The following FRY variants were observed in gnomAD, a reference collection of about 807,000 sequenced individuals.
FRY encodes the protein protein furry homolog.
Under a neutral mutation model 348.4 loss-of-function variants are expected in FRY, and 128 were observed. The observed-to-expected ratio is 0.37, with a 90% CI of 0.32 to 0.43. The LOEUF (loss-of-function observed/expected upper bound fraction) is 0.43. FRY is among the 20% of genes least tolerant of loss of function. The probability of loss-of-function intolerance (pLI) is 1.00; values close to 1 mark genes in which losing one functional copy is unlikely to be tolerated. For missense variants in FRY, 2,736 were observed against 3,695.2 expected, an observed-to-expected ratio of 0.74 and a Z score of 6.73; for synonymous variants, 1,370 against 1,374.7, an observed-to-expected ratio of 1.00 and a Z score of 0.08.
At chr13:32,292,841 A>G (rs1308333181) in intron 59 of FRY, among the ~76,000 whole-genome samples, 1 of 151,902 alleles carries the variant, frequency 6.6e-6, no homozygotes, top group African/African-American at 2.4e-5. Context: ...AAACTTCATT[A>G]TTGTCTTATT....
intron 1 of FRY, among the ~76,000 whole-genome samples, chr13:32,068,894 A>T (rs1874426209): frequency 6.9e-6 from 1 of 143,920 alleles, no homozygotes; most frequent in Non-Finnish European, 1.5e-5. Context: ...ATTTTTATGG[A>T]TCCTCCATGT....
intron 55 of FRY, among the ~76,000 whole-genome samples, chr13:32,273,556 A>T (rs146773345): frequency 1.3e-5 from 2 of 152,294 alleles, no homozygotes; most frequent in Non-Finnish European, 2.9e-5. Context: ...TCATCCGGTG[A>T]TGAGGATTAA....
At chr13:32,279,654 C>T (rs952224094) in intron 58 of FRY, among the ~76,000 whole-genome samples, 1 of 152,202 alleles carries the variant, frequency 6.6e-6, no homozygotes, top group East Asian at 1.9e-4. Flanking sequence ...TATGTCATTA[C>T]TACTGGAAAA....
At chr13:32,142,987 A>C (rs1031371948) in intron 11 of FRY, among the ~76,000 whole-genome samples, 4 of 152,144 alleles carry the variant, frequency 2.6e-5, no homozygotes, top group Non-Finnish European at 5.9e-5. Context: ...GTAAGAGGAG[A>C]TGTAACCTAA....
At chr13:32,095,051 G>A (rs1876596257) in intron 2 of FRY, among the ~76,000 whole-genome samples, 1 of 152,016 alleles carries the variant, frequency 6.6e-6, no homozygotes, top group Admixed American at 6.5e-5. Flanking sequence ...TTTTAACTGG[G>A]GTGTGATGGT....
intron 53 of FRY, 128 bp downstream of exon 53, chr13:32,262,603 T>C: frequency 1.3e-6 from 1 of 754,084 alleles, no homozygotes; most frequent in Non-Finnish European, 2.2e-6. Flanking sequence ...TCTTTCTCTC[T>C]TTTTTAAAAT....
intron 58 of FRY, among the ~76,000 whole-genome samples, chr13:32,281,988 A>C (rs1364794334): frequency 6.6e-6 from 1 of 152,176 alleles, no homozygotes; most frequent in Admixed American, 6.5e-5. Flanking sequence ...CTCGGTTCCC[A>C]TCATAGGTTA....
chr13:32,239,390 C>CCACA lies in FRY; in HGVS notation c.6516+42_6516+43insACAC. 10 of 1,193,562 alleles carry CCACA rather than the reference C, an allele frequency of 8.4e-6. No homozygotes were observed. Among genetic ancestry groups the CCACA allele is most frequent in the Non-Finnish European group, 1.3e-5 (10 of 795,656 alleles). The allele number at this position is 1,193,562 out of a possible 1,614,324, so 73.9% of individuals were successfully genotyped here. ...CCACACTCAGGCAGATCCATAGAGG[C>CCACA]CTTCAGGACGCCCTAGTGTCAGGCA... On this transcript the variant is annotated intron_variant, in intron 45 of 60. Coordinates refer to ENST00000542859, the MANE Select transcript of FRY (RefSeq NM_023037.3). The surrounding 1 kb of genome is among the most constrained non-coding windows in gnomAD (Gnocchi z 4.3).
At chr13:32,206,315 A>C (rs1884347254) in intron 31 of FRY, among the ~76,000 whole-genome samples, 1 of 152,338 alleles carries the variant, frequency 6.6e-6, no homozygotes, top group Admixed American at 6.5e-5. Context: ...TCATGGAAAC[A>C]TAAAGGAAAA....
Position 32,161,175 on chromosome 13 carries a change from A to C in FRY, c.1816A>C (p.Arg606=), listed in dbSNP as rs1399556839. ...GAGAAAGCCAAAAATAGATCTTTTC[A>C]GGACCTGTGTTGCTGCTATTCCTCG... ...GERKPKIDLF[R]TCVAAIPRLL... is the part of the protein sequence containing the mutation. Residue 606 remains arginine (R), a synonymous_variant, in exon 17 of 61, where the codon AGG becomes CGG. Transcript: ENST00000542859. 2 of 1,613,140 alleles carry C rather than the reference A, an allele frequency of 1.2e-6. No homozygotes were observed.
chr13:32,200,848 T>G (rs1208337587), intron 29 of FRY, among the ~76,000 whole-genome samples: 1 of 152,208 alleles, frequency 6.6e-6, no homozygotes, highest in Non-Finnish European at 1.5e-5. Context: ...ATCTCCTTAG[T>G]GTTCCTCAGA....
chr13:32,254,291 A>G lies in FRY; in HGVS notation c.7313A>G (p.Asp2438Gly), dbSNP rs1251207581. 1 of 1,614,004 alleles carries G rather than the reference A, an allele frequency of 6.2e-7. No individual in the cohort carries two copies. The highest frequency in any genetic ancestry group is 8.5e-7 in the Non-Finnish European group (1 of 1,179,996). Reference sequence around the variant, plus strand: ...CAGACAAGCTTGGTATCTTCTGAGGACGGTGCCCGAGAGCAGGAGAACATG... The same window carrying G: ...CAGACAAGCTTGGTATCTTCTGAGGGCGGTGCCCGAGAGCAGGAGAACATG... The part of the protein sequence containing the change: ...EHQTSLVSSE[D>G]GAREQENMDD... The change falls in exon 51 of 61, where the codon GAC (aspartate) becomes GGC (glycine). Residue 2438 changes from aspartate (D) to glycine (G), a missense_variant. Physicochemically the swap from Asp to Gly is moderately conservative, Grantham distance 94 (BLOSUM62 -1). This residue lies in a region of FRY where 789 missense variants were observed against 996.2 expected (regional missense o/e 0.79). Coordinates refer to ENST00000542859, the MANE Select transcript of FRY (RefSeq NM_023037.3).
chr13:32,161,695 T>TC (rs34889981), intron 17 of FRY, among the ~76,000 whole-genome samples: 45,697 of 151,566 alleles, frequency 0.3, 7,104 homozygotes, highest in East Asian at 0.55. Context: ...CAAAAAAGAG[T>TC]TCATTCGGAG....
intron 17 of FRY, among the ~76,000 whole-genome samples, chr13:32,161,563 T>C (rs1881445010): frequency 6.6e-6 from 1 of 152,078 alleles, no homozygotes; most frequent in South Asian, 2.1e-4. Flanking sequence ...AGGCAACAAA[T>C]AACTCCTGAG....
Position 32,298,050 on chromosome 13 carries a change from A to T in FRY, c.*2590A>T, listed in dbSNP as rs376905693. ...ACATTTTTAGAGGCACGTGAATGTC[A>T]TTCCCACCTCTAACCCATCTAACAT... On this transcript the variant is annotated 3_prime_UTR_variant, in exon 61 of 61. Coordinates refer to ENST00000542859, the MANE Select transcript of FRY (RefSeq NM_023037.3). 1.9e-4 allele frequency: 29 copies of T among 152,346 alleles called. No individual in the cohort carries two copies. The highest frequency in any genetic ancestry group is 6.5e-4 in the African/African-American group (27 of 41,582). The allele number at this position is 152,346 out of a possible 1,614,324, so 9.4% of individuals were successfully genotyped here.
chr13:32,173,616 C>A, intron 19 of FRY, 67 bp downstream of exon 19: 1 of 1,169,514 alleles, frequency 8.6e-7, no homozygotes, highest in Non-Finnish European at 1.3e-6. Context: ...AGATTAAAAA[C>A]TACAAATGAT....
intron 13 of FRY, among the ~76,000 whole-genome samples, chr13:32,148,789 A>ATCAGTTGTATATC (rs1880616992): frequency 6.6e-6 from 1 of 152,194 alleles, no homozygotes; most frequent in Admixed American, 6.5e-5. Context: ...TACTGATATA[A>ATCAGTTGTATATC]AGTGTAAGGT....
intron 1 of FRY, among the ~76,000 whole-genome samples, chr13:32,071,414 G>A (rs569897297): frequency 8.5e-5 from 13 of 152,244 alleles, no homozygotes; most frequent in South Asian, 4.2e-4. Flanking sequence ...AGTTCTCCTT[G>A]AAGAGGTCCT....
Position 32,237,520 on chromosome 13 carries a change from GC to G in FRY, c.5955del (p.Lys1986ArgfsTer39). 2 of 1,614,134 alleles carry G rather than the reference GC, an allele frequency of 1.2e-6. No homozygotes were observed. Among genetic ancestry groups the G allele is most frequent in the Non-Finnish European group, 1.7e-6 (2 of 1,180,022 alleles). On this transcript the variant is annotated frameshift_variant, in exon 44 of 61. Coordinates refer to ENST00000542859, the MANE Select transcript of FRY (RefSeq NM_023037.3). LOFTEE classifies it high-confidence loss of function. The surrounding 1 kb of genome is among the most constrained non-coding windows in gnomAD (Gnocchi z 6.3). The part of the protein sequence containing the change: ...RSRHQRSFSV[P>X]KKFGVIDRSS... ...GCCGGCATCAACGAAGCTTCTCTGT[GC>G]CCAAGAAGTTTGGTGTCATCGACCG...
Sources: gnomAD v4.1 joint callset for allele counts (sites outside exome capture counted in the v4.1 genomes callset) on GRCh38, gnomAD v4.1.1 for gene constraint, gnomAD v4.1.1 regional missense constraint, Gnocchi (gnomAD v3.1) non-coding constraint, MANE v1.5 for transcripts, NCBI Gene and HGNC (gene_info 2026-07-23, HGNC 2026-07-21) for gene names.